The following DCAF6 variants were observed in gnomAD, a reference collection of about 807,000 sequenced individuals.
DCAF6 encodes the protein DDB1 and CUL4 associated factor 6.
A neutral mutation model predicts 125.1 loss-of-function variants in DCAF6; 54 were observed. That is an observed-to-expected ratio of 0.43 (90% confidence interval 0.35 to 0.54). The LOEUF is 0.54. DCAF6 is among the 20% of genes least tolerant of loss of function. The probability of loss-of-function intolerance (pLI) is 0.01; values close to 1 mark genes in which losing one functional copy is unlikely to be tolerated. For missense variants in DCAF6, 934 were observed against 1,161.7 expected (o/e 0.80, Z 2.85); for synonymous variants, 371 against 390.4 (o/e 0.95, Z 0.58).
At chr1:168,017,650 AG>A (rs1205854477) in intron 11 of DCAF6, among the ~76,000 whole-genome samples, 1 of 152,156 alleles carries the variant, frequency 6.6e-6, no homozygotes, top group African/African-American at 2.4e-5. Context: ...GCAGGAGGGT[AG>A]GTTTTAATTG....
chr1:168,045,890 CTAT>C (rs1206458891), intron 16 of DCAF6, among the ~76,000 whole-genome samples: 1 of 152,120 alleles, frequency 6.6e-6, no homozygotes, highest in South Asian at 2.1e-4. Flanking sequence ...AAAACTATTT[CTAT>C]TATTAGTGCT....
At chr1:167,952,360 G>C (rs930902477) in intron 2 of DCAF6, among the ~76,000 whole-genome samples, 1 of 152,018 alleles carries the variant, frequency 6.6e-6, no homozygotes, top group African/African-American at 2.4e-5. Context: ...TGGGACTACA[G>C]GTGCCTGCCA....
At chr1:167,878,383 T>C in the DCAF6 span, 1 of 1,561,320 alleles carries the variant, frequency 6.4e-7, no homozygotes, top group African/African-American at 1.4e-5. Flanking sequence ...GTGACTGCTT[T>C]GCTATCATAA....
At chr1:167,880,598 G>A in the DCAF6 span, 10 of 1,613,034 alleles carry the variant, frequency 6.2e-6, no homozygotes, top group South Asian at 2.2e-5. Flanking sequence ...AGACACAGAG[G>A]AAAGAGCAGC....
chr1:168,056,505 T>A, intron 17 of DCAF6: 1 of 216,648 alleles, frequency 4.6e-6, no homozygotes, highest in Non-Finnish European at 6.4e-6. Flanking sequence ...CAGGCTTAAG[T>A]TTTTAATAAT....
At chr1:167,912,672 T>C in the DCAF6 span, among the ~76,000 whole-genome samples, 1 of 152,338 alleles carries the variant, frequency 6.6e-6, no homozygotes, top group African/African-American at 2.4e-5. Context: ...GCTTCTTCCC[T>C]CTTTCCTCTT....
chr1:168,058,668 A>T (rs113763879), intron 17 of DCAF6, among the ~76,000 whole-genome samples: 3 of 152,192 alleles, frequency 2.0e-5, no homozygotes, highest in Non-Finnish European at 4.4e-5. Flanking sequence ...TCCCAGGTTC[A>T]AGTGATTCTC....
chr1:167,910,146 G>T, the DCAF6 span, among the ~76,000 whole-genome samples: 3 of 152,142 alleles, frequency 2.0e-5, no homozygotes, highest in South Asian at 2.1e-4. Context: ...TCTTTAACCC[G>T]GGTGTCTAAG....
chr1:167,934,544 C>T (rs1671007938), upstream of DCAF6, among the ~76,000 whole-genome samples: 1 of 152,128 alleles, frequency 6.6e-6, no homozygotes, highest in Non-Finnish European at 1.5e-5. Flanking sequence ...TTCAATGTTG[C>T]AGTAAATAAT....
At chr1:167,884,328 G>A in the DCAF6 span, among the ~76,000 whole-genome samples, 1 of 152,234 alleles carries the variant, frequency 6.6e-6, no homozygotes, top group Non-Finnish European at 1.5e-5. Flanking sequence ...GGCCAGAGGA[G>A]AGCAGGGGGA....
chr1:167,930,262 A>T, the DCAF6 span, among the ~76,000 whole-genome samples: 2 of 152,220 alleles, frequency 1.3e-5, no homozygotes, highest in East Asian at 3.8e-4. Flanking sequence ...AGTAAAGAAC[A>T]GGTAAAGAGA....
intron 21 of DCAF6, among the ~76,000 whole-genome samples, chr1:168,070,777 A>G (rs944166859): frequency 3.9e-5 from 6 of 152,192 alleles, no homozygotes; most frequent in East Asian, 3.8e-4. Context: ...AAAGATGGTA[A>G]TGGTTTGCAT....
rs747879449 is a variant in DCAF6, at chr1:168,066,480, G to A, written c.2685+15G>A. 1 of 1,509,180 alleles carries A rather than the reference G, an allele frequency of 6.6e-7. No homozygotes were observed. The highest frequency in any genetic ancestry group is 1.1e-5 in the South Asian group (1 of 87,576). The allele number at this position is 1,509,180 out of a possible 1,614,324, so 93.5% of individuals were successfully genotyped here. A position where few individuals can be genotyped will look rare whatever the true frequency, so the allele number is the denominator to read the frequency against. On this transcript the variant is annotated intron_variant, in intron 20 of 21. Coordinates refer to ENST00000367840, the MANE Select transcript of DCAF6 (RefSeq NM_001198956.2). ...TTGCTGATGAAGTAAGATTTTTATT[G>A]TACTTACTATAGACCATATTTCAAT...
chr1:168,074,239 G>A (rs1446065016), intron 21 of DCAF6, among the ~76,000 whole-genome samples: 1 of 151,954 alleles, frequency 6.6e-6, no homozygotes, highest in Non-Finnish European at 1.5e-5. Flanking sequence ...TCCAGTGGGA[G>A]CATTTAATCC....
At chr1:167,972,571 A>G (rs1331887597) in intron 3 of DCAF6, among the ~76,000 whole-genome samples, 3 of 152,250 alleles carry the variant, frequency 2.0e-5, no homozygotes, top group East Asian at 3.8e-4. Flanking sequence ...GGCCATTGAA[A>G]TAATCCAGGT....
chr1:168,037,412 G>T (rs1005657999), intron 12 of DCAF6, among the ~76,000 whole-genome samples: 1 of 152,142 alleles, frequency 6.6e-6, no homozygotes, highest in Non-Finnish European at 1.5e-5. Flanking sequence ...TCACAGAAGA[G>T]TTTTCTTTCT....
chr1:167,925,510 TACAA>T, the DCAF6 span, among the ~76,000 whole-genome samples: 2 of 136,028 alleles, frequency 1.5e-5, no homozygotes, highest in African/African-American at 5.3e-5. Context: ...TATATACACA[TACAA>T]ACAACGTTTT....
intron 4 of DCAF6, among the ~76,000 whole-genome samples, chr1:167,978,339 A>C (rs575726338): frequency 6.6e-6 from 1 of 152,212 alleles, no homozygotes; most frequent in African/African-American, 2.4e-5. Context: ...CACCAACAGC[A>C]TGTAAGAGGT....
the DCAF6 span, among the ~76,000 whole-genome samples, chr1:167,906,471 T>C: frequency 6.6e-6 from 1 of 151,828 alleles, no homozygotes; most frequent in Non-Finnish European, 1.5e-5. Context: ...GATAGTAAAT[T>C]TGGTGCTATA....
Sources: gnomAD v4.1 joint callset for allele counts (sites outside exome capture counted in the v4.1 genomes callset) on GRCh38, gnomAD v4.1.1 for gene constraint, MANE v1.5 for transcripts, NCBI Gene and HGNC (gene_info 2026-07-23, HGNC 2026-07-21) for gene names.